IGF2BP2: variants seen among roughly 807,000 people sequenced by gnomAD.
IGF2BP2 encodes insulin like growth factor 2 mRNA binding protein 2, also known as insulin-like growth factor 2 mRNA-binding protein 2.
In IGF2BP2, 17 loss-of-function variants were observed where a neutral mutation model predicts 75.8. The ratio of observed to expected loss-of-function variants is 0.22; its 90% CI spans 0.15 to 0.34. The LOEUF (loss-of-function observed/expected upper bound fraction) is 0.34, where lower values mean the gene tolerates loss of function less well. Ranked by LOEUF, IGF2BP2 falls within the 10% of genes least tolerant of loss-of-function variation. The pLI, the probability that IGF2BP2 is intolerant of heterozygous loss-of-function variation, is 1.00. For missense variants in IGF2BP2, 516 were observed against 772.4 expected (o/e 0.67, Z 3.93); for synonymous variants, 288 against 295.6 (o/e 0.97, Z 0.26).
At chr3:185,665,198 AGG>A (rs1717125925) in intron 10 of IGF2BP2, among the ~76,000 whole-genome samples, 10 of 146,990 alleles carry the variant, frequency 6.8e-5, no homozygotes, top group African/African-American at 2.0e-4. Context: ...GAGGAGAAGA[AGG>A]AGAAGAAGGA....
chr3:185,659,872 G>A (rs2149111875), intron 10 of IGF2BP2, among the ~76,000 whole-genome samples: 1 of 151,244 alleles, frequency 6.6e-6, no homozygotes, highest in Non-Finnish European at 1.5e-5. Flanking sequence ...TCGGCTCACT[G>A]CATCCTCCAC....
intron 7 of IGF2BP2, among the ~76,000 whole-genome samples, chr3:185,683,566 A>G (rs1720698015): frequency 6.6e-6 from 1 of 151,896 alleles, no homozygotes; most frequent in Non-Finnish European, 1.5e-5. Flanking sequence ...CCACCCCAAC[A>G]CCTGGCTAAT....
chr3:185,677,771 A>G (rs537723730), intron 7 of IGF2BP2, among the ~76,000 whole-genome samples: 3 of 152,368 alleles, frequency 2.0e-5, no homozygotes, highest in South Asian at 4.1e-4. Flanking sequence ...GACAGAAACT[A>G]TAAGAAAGAA....
intron 2 of IGF2BP2, among the ~76,000 whole-genome samples, chr3:185,804,654 T>G (rs1317480446): frequency 6.6e-6 from 1 of 152,042 alleles, no homozygotes; most frequent in Non-Finnish European, 1.5e-5. Context: ...GCTCTTCCCT[T>G]TACCGCAACT....
intron 2 of IGF2BP2, among the ~76,000 whole-genome samples, chr3:185,791,547 GC>G: frequency 6.6e-6 from 1 of 152,206 alleles, no homozygotes; most frequent in East Asian, 1.9e-4. Context: ...CAGGCACTAG[GC>G]TAATAATACC....
chr3:185,725,227 G>A (rs1023597813), intron 2 of IGF2BP2, among the ~76,000 whole-genome samples: 7 of 152,158 alleles, frequency 4.6e-5, no homozygotes, highest in South Asian at 2.1e-4. Context: ...GTTATTTTAT[G>A]CCACTTTGTT....
At chr3:185,785,042 T>G (rs1735681944) in intron 2 of IGF2BP2, among the ~76,000 whole-genome samples, 2 of 152,196 alleles carry the variant, frequency 1.3e-5, no homozygotes, top group Non-Finnish European at 2.9e-5. Flanking sequence ...GGCTCATGCC[T>G]GTAATCCCAG....
At chr3:185,665,374 A>AAGGAGGAGGAGGAGG (rs1246928288) in intron 10 of IGF2BP2, among the ~76,000 whole-genome samples, 1 of 57,090 alleles carries the variant, frequency 1.8e-5, no homozygotes, top group Non-Finnish European at 3.6e-5. Flanking sequence ...GGAGGAGGAG[A>AAGGAGGAGGAGGAGG]AGGAGGAGGA....
chr3:185,763,236 G>A (rs1560431075), intron 2 of IGF2BP2, among the ~76,000 whole-genome samples: 2 of 152,074 alleles, frequency 1.3e-5, no homozygotes, highest in Admixed American at 6.6e-5. Context: ...TCTACACCAA[G>A]TCCTATCTGT....
chr3:185,704,544 G>A (rs183483442), intron 2 of IGF2BP2, among the ~76,000 whole-genome samples: 102 of 152,160 alleles, frequency 6.7e-4, no homozygotes, highest in African/African-American at 2.4e-3. Context: ...TGACCTCCCC[G>A]GCCCAAGTGA....
At chr3:185,654,268 C>G (rs2149077115) in intron 12 of IGF2BP2, among the ~76,000 whole-genome samples, 1 of 152,320 alleles carries the variant, frequency 6.6e-6, no homozygotes, top group Middle Eastern at 3.4e-3. Context: ...AAACACGGAT[C>G]TGAGTGTGTC....
chr3:185,754,276 A>G (rs1379564108), intron 2 of IGF2BP2, among the ~76,000 whole-genome samples: 1 of 152,000 alleles, frequency 6.6e-6, no homozygotes, highest in East Asian at 1.9e-4. Context: ...TTGCCATGTG[A>G]CATGCCTGCT....
intron 2 of IGF2BP2, among the ~76,000 whole-genome samples, chr3:185,781,905 G>A (rs542798766): frequency 1.8e-4 from 27 of 152,150 alleles, no homozygotes; most frequent in African/African-American, 6.5e-4. Flanking sequence ...CTGCATTTGT[G>A]GGATAAGGTC....
chr3:185,759,033 T>C (rs953097820), intron 2 of IGF2BP2, among the ~76,000 whole-genome samples: 2 of 152,188 alleles, frequency 1.3e-5, no homozygotes, highest in Admixed American at 6.5e-5. Flanking sequence ...TCAGCTCCCA[T>C]GCAGGCCACT....
chr3:185,724,768 G>C (rs1223760942), intron 2 of IGF2BP2: 2 of 152,202 alleles, frequency 1.3e-5, no homozygotes, highest in African/African-American at 4.8e-5. Context: ...TTCCCAAAAA[G>C]GAATGCATCA....
chr3:185,804,453 AAC>A (rs1185348412), intron 2 of IGF2BP2, among the ~76,000 whole-genome samples: 4 of 152,158 alleles, frequency 2.6e-5, no homozygotes, highest in South Asian at 2.1e-4. Flanking sequence ...AAAACAAAAA[AAC>A]ACAGATTTCA....
At chr3:185,720,453 G>A (rs1431659368) in intron 2 of IGF2BP2, among the ~76,000 whole-genome samples, 2 of 152,050 alleles carry the variant, frequency 1.3e-5, no homozygotes, top group Non-Finnish European at 2.9e-5. Context: ...GGGAGCCACC[G>A]CGCCCGGCCC....
intron 2 of IGF2BP2, among the ~76,000 whole-genome samples, chr3:185,760,228 A>G (rs1732172766): frequency 6.6e-6 from 1 of 152,144 alleles, no homozygotes; most frequent in South Asian, 2.1e-4. Context: ...TCTACCCACT[A>G]TGACCCAAAC....
intron 2 of IGF2BP2, among the ~76,000 whole-genome samples, chr3:185,799,692 C>A (rs1737937299): frequency 6.6e-6 from 1 of 151,238 alleles, no homozygotes; most frequent in South Asian, 2.1e-4. Flanking sequence ...GCAGAGCTTG[C>A]AGTGAGCTGA....
Sources: allele counts gnomAD v4.1 joint callset (sites outside exome capture counted in the v4.1 genomes callset), GRCh38; gene constraint gnomAD v4.1.1; transcripts MANE v1.5; gene names NCBI Gene and HGNC (gene_info 2026-07-23, HGNC 2026-07-21).